CADM1: variants seen among roughly 807,000 people sequenced by gnomAD.
CADM1 encodes the protein TSLC-1.
In CADM1, 15 loss-of-function variants were observed where a neutral mutation model predicts 53.1. That is an observed-to-expected ratio of 0.28 (90% CI 0.19 to 0.44). The LOEUF is 0.44. Ranked by LOEUF, CADM1 falls within the 20% of genes least tolerant of loss-of-function variation. CADM1 has a pLI of 1.00. For synonymous variants in CADM1, 281 were observed against 243.0 expected (o/e 1.16, Z -1.45); for missense variants, 434 against 611.3 (o/e 0.71, Z 3.06).
chr11:115,442,300 TC>T (rs1172135152), intron 1 of CADM1, among the ~76,000 whole-genome samples: 1 of 152,072 alleles, frequency 6.6e-6, no homozygotes, highest in African/African-American at 2.4e-5. Flanking sequence ...ATGAAAGGGC[TC>T]ACTCTAAAGC....
At chr11:115,346,954 CAAAA>C (rs902022269) in intron 1 of CADM1, among the ~76,000 whole-genome samples, 3 of 149,234 alleles carry the variant, frequency 2.0e-5, no homozygotes, top group African/African-American at 7.4e-5. Context: ...AAGGAAAAAA[CAAAA>C]AAAAACCCTA....
At chr11:115,249,977 T>C (rs1291122828) in intron 1 of CADM1, among the ~76,000 whole-genome samples, 1 of 152,128 alleles carries the variant, frequency 6.6e-6, no homozygotes, top group African/African-American at 2.4e-5. Flanking sequence ...CGATCTCGGC[T>C]CACTGCAAGC....
At chr11:115,209,175 T>G (rs566818399) in intron 8 of CADM1, among the ~76,000 whole-genome samples, 1 of 152,296 alleles carries the variant, frequency 6.6e-6, no homozygotes, top group African/African-American at 2.4e-5. Flanking sequence ...TAGGTGTGTA[T>G]ATTTTCCCTT....
chr11:115,385,927 C>A (rs949273123), intron 1 of CADM1, among the ~76,000 whole-genome samples: 1 of 152,182 alleles, frequency 6.6e-6, no homozygotes, highest in Non-Finnish European at 1.5e-5. Flanking sequence ...GGTGTTCAAG[C>A]TACTTTATTT....
At chr11:115,214,166 C>T (rs1326557014) in intron 7 of CADM1, among the ~76,000 whole-genome samples, 1 of 152,176 alleles carries the variant, frequency 6.6e-6, no homozygotes, top group African/African-American at 2.4e-5. Flanking sequence ...TGGCTTACAA[C>T]ATCTTTTGGA....
In CADM1 at chr11:115,175,750, C is replaced by A; in HGVS notation, c.*724G>T. 1.0e-6 allele frequency: 1 copy of A among 990,876 alleles called. No homozygotes were observed. Among genetic ancestry groups the A allele is most frequent in the Admixed American group, 5.8e-5 (1 of 17,164 alleles). The allele number at this position is 990,876 out of a possible 1,614,324, so 61.4% of individuals were successfully genotyped here. On this transcript the variant is annotated 3_prime_UTR_variant, in exon 12 of 12. Transcript: ENST00000331581. ...GTGACACACCTCACTTGCAGATAAC[C>A]CTGTACAGTAATGTAGTTCCACAGC... is the stretch of plus-strand genomic sequence containing the variant.
chr11:115,342,080 A>G (rs1565376198), intron 1 of CADM1, among the ~76,000 whole-genome samples: 2 of 152,190 alleles, frequency 1.3e-5, no homozygotes, highest in South Asian at 4.1e-4. Context: ...ATATCCATCT[A>G]CAAACAAAAA....
At chr11:115,180,988 T>C (rs1267475269) in intron 10 of CADM1, among the ~76,000 whole-genome samples, 1 of 152,112 alleles carries the variant, frequency 6.6e-6, no homozygotes. Context: ...AGGGGAAAGT[T>C]AGGCACAAGA....
intron 1 of CADM1, among the ~76,000 whole-genome samples, chr11:115,390,038 C>T (rs1329803193): frequency 2.0e-5 from 3 of 152,108 alleles, no homozygotes; most frequent in Non-Finnish European, 4.4e-5. Flanking sequence ...TAGAGTTGTG[C>T]ATCCACACAT....
chr11:115,483,115 G>A (rs1949293983), intron 1 of CADM1, among the ~76,000 whole-genome samples: 1 of 152,186 alleles, frequency 6.6e-6, no homozygotes, highest in Non-Finnish European at 1.5e-5. Flanking sequence ...TGAATGAGGT[G>A]TTGAGCAGCT....
Position 115,435,603 on chromosome 11 carries a change from G to A in CADM1, c.124+68668C>T, listed in dbSNP as rs190409584. 1.3e-3 allele frequency among the ~76,000 whole-genome samples: 196 copies of A among 152,178 alleles called. 5 individuals carry two copies. The highest frequency in any genetic ancestry group is 0.01 in the Admixed American group (160 of 15,298). On this transcript the variant is annotated intron_variant, in intron 1 of 11. Coordinates refer to ENST00000331581, the MANE Select transcript of CADM1 (RefSeq NM_001301043.2). ...CAAAAATTAGCTGGGCGTGACAGCT[G>A]GTGCCTATAGTCCCAGCTACTCAGG...
intron 1 of CADM1, among the ~76,000 whole-genome samples, chr11:115,243,917 A>T (rs1942324539): frequency 6.6e-6 from 1 of 152,250 alleles, no homozygotes; most frequent in Non-Finnish European, 1.5e-5. Flanking sequence ...TAGCCATTAA[A>T]TAAGGCTGTT....
At chr11:115,376,862 T>C (rs1190106398) in intron 1 of CADM1, among the ~76,000 whole-genome samples, 2 of 152,186 alleles carry the variant, frequency 1.3e-5, no homozygotes, top group African/African-American at 2.4e-5. Flanking sequence ...TGAGTCTCCA[T>C]AGCTTCTCAG....
At chr11:115,501,743 T>C (rs1354187628) in intron 1 of CADM1, among the ~76,000 whole-genome samples, 1 of 152,152 alleles carries the variant, frequency 6.6e-6, no homozygotes, top group Non-Finnish European at 1.5e-5. Flanking sequence ...TGAAGTCAGA[T>C]GCACCAACAG....
chr11:115,473,704 A>G (rs1022164876), intron 1 of CADM1, among the ~76,000 whole-genome samples: 3 of 152,190 alleles, frequency 2.0e-5, no homozygotes, highest in Non-Finnish European at 4.4e-5. Context: ...TAAATCACAG[A>G]CCAAAAAGCA....
intron 1 of CADM1, among the ~76,000 whole-genome samples, chr11:115,407,403 C>T (rs1189676945): frequency 6.6e-6 from 1 of 152,100 alleles, no homozygotes; most frequent in African/African-American, 2.4e-5. Flanking sequence ...GGAGAAAGAA[C>T]CAAAGCACAG....
chr11:115,243,033 T>C (rs1942294314), intron 1 of CADM1, among the ~76,000 whole-genome samples: 1 of 152,242 alleles, frequency 6.6e-6, no homozygotes, highest in Non-Finnish European at 1.5e-5. Flanking sequence ...ATTTTGTCTT[T>C]TAAGCAATGA....
intron 1 of CADM1, among the ~76,000 whole-genome samples, chr11:115,321,228 C>A (rs1319473371): frequency 6.6e-6 from 1 of 152,182 alleles, no homozygotes; most frequent in Non-Finnish European, 1.5e-5. Context: ...ATTCTACTTA[C>A]CAATTTGGTT....
At chr11:115,463,748 T>G (rs1220979106) in intron 1 of CADM1, among the ~76,000 whole-genome samples, 1 of 152,020 alleles carries the variant, frequency 6.6e-6, no homozygotes, top group African/African-American at 2.4e-5. Flanking sequence ...GAAGTACAGC[T>G]AAGTGTTTTA....
Sources: gnomAD v4.1 joint callset for allele counts (sites outside exome capture counted in the v4.1 genomes callset) on GRCh38, gnomAD v4.1.1 for gene constraint, MANE v1.5 for transcripts, NCBI Gene and HGNC (gene_info 2026-07-23, HGNC 2026-07-21) for gene names.